The following DTD1 variants were observed in gnomAD, a reference collection of about 807,000 sequenced individuals.
The protein encoded by DTD1 is D-tyrosyl-tRNA deacylase 1 homolog.
A neutral mutation model predicts 25.6 loss-of-function variants in DTD1; 13 were observed. That is an observed-to-expected ratio of 0.51 (90% CI 0.33 to 0.81). DTD1 has a LOEUF of 0.81. Ranked by LOEUF, DTD1 falls within the 30% of genes least tolerant of loss-of-function variation. DTD1 has a pLI of 0.02. For synonymous variants in DTD1, 110 were observed against 103.6 expected (o/e 1.06, Z -0.37); for missense variants, 193 against 266.4 (o/e 0.72, Z 1.92).
chr20:18,683,380 T>G (rs2061004688), intron 4 of DTD1, among the ~76,000 whole-genome samples: 1 of 152,246 alleles, frequency 6.6e-6, no homozygotes, highest in African/African-American at 2.4e-5. Context: ...CAATATTGTC[T>G]AAGACATTAT....
intron 1 of DTD1, among the ~76,000 whole-genome samples, chr20:18,593,364 A>G (rs2060597892): frequency 6.6e-6 from 1 of 152,174 alleles, no homozygotes; most frequent in African/African-American, 2.4e-5. Context: ...GAGAATTAAT[A>G]TAGCTGAGCT....
intron 4 of DTD1, among the ~76,000 whole-genome samples, chr20:18,708,779 G>T (rs2061146501): frequency 6.6e-6 from 1 of 152,110 alleles, no homozygotes. Flanking sequence ...TGGCTTAGAG[G>T]GCAATCTTTT....
chr20:18,736,371 T>C (rs2061255134), intron 4 of DTD1, among the ~76,000 whole-genome samples: 1 of 152,174 alleles, frequency 6.6e-6, no homozygotes, highest in Non-Finnish European at 1.5e-5. Flanking sequence ...AGCTCTCCAA[T>C]TTGTTCACAA....
At chr20:18,634,212 GCTTATT>G (rs762195059) in intron 4 of DTD1, among the ~76,000 whole-genome samples, 62 of 152,200 alleles carry the variant, frequency 4.1e-4, no homozygotes, top group Non-Finnish European at 8.2e-4. Context: ...TGTGATAGAA[GCTTATT>G]CTTGTCTTGT....
intron 4 of DTD1, among the ~76,000 whole-genome samples, chr20:18,695,783 G>A (rs2061073879): frequency 1.3e-5 from 2 of 151,388 alleles, no homozygotes; most frequent in South Asian, 4.2e-4. Flanking sequence ...TGATCTTCCT[G>A]CCTCAGCCTC....
chr20:18,737,234 C>G (rs2061259260), intron 4 of DTD1, among the ~76,000 whole-genome samples: 2 of 152,150 alleles, frequency 1.3e-5, no homozygotes, highest in African/African-American at 4.8e-5. Flanking sequence ...CTCAGACACA[C>G]TGCCCTGCCA....
intron 4 of DTD1, among the ~76,000 whole-genome samples, chr20:18,696,864 T>C (rs182436581): frequency 2.8e-4 from 43 of 151,912 alleles, no homozygotes; most frequent in Non-Finnish European, 5.7e-4. Context: ...TGAACTGTAG[T>C]TTTTACTGCT....
At chr20:18,613,739 G>T (rs1358801) in intron 3 of DTD1, among the ~76,000 whole-genome samples, 77,603 of 152,058 alleles carry the variant, frequency 0.51, 20,181 homozygotes, top group Middle Eastern at 0.56. Flanking sequence ...GAATAACAGG[G>T]TTAGTTGCTA....
At chr20:18,661,588 G>C (rs1322115099) in intron 4 of DTD1, among the ~76,000 whole-genome samples, 7 of 152,084 alleles carry the variant, frequency 4.6e-5, no homozygotes, top group African/African-American at 1.7e-4. Flanking sequence ...AGCCAGGATG[G>C]TTTTGATCTC....
At chr20:18,760,338 A>G (rs544238832) in intron 5 of DTD1, among the ~76,000 whole-genome samples, 2 of 151,918 alleles carry the variant, frequency 1.3e-5, no homozygotes, top group East Asian at 1.9e-4. Flanking sequence ...AAGTTTTTCT[A>G]CTCTGTGTTT....
At chr20:18,686,015 A>C (rs2061015252) in intron 4 of DTD1, among the ~76,000 whole-genome samples, 2 of 152,128 alleles carry the variant, frequency 1.3e-5, no homozygotes, top group Non-Finnish European at 2.9e-5. Flanking sequence ...AGTCCTTCTT[A>C]CTTCCCTTCC....
intron 4 of DTD1, among the ~76,000 whole-genome samples, chr20:18,712,001 G>A (rs917893579): frequency 1.3e-5 from 2 of 152,008 alleles, no homozygotes; most frequent in African/African-American, 4.8e-5. Context: ...CCTGGGAGGT[G>A]GAAGTGGTTG....
intron 4 of DTD1, among the ~76,000 whole-genome samples, chr20:18,640,140 G>GA (rs567409090): frequency 2.0e-5 from 3 of 146,596 alleles, no homozygotes; most frequent in South Asian, 2.2e-4. Context: ...ATTACTACTT[G>GA]AAAAAAAATT....
chr20:18,598,798 C>T (rs765312382), intron 3 of DTD1, among the ~76,000 whole-genome samples: 3 of 152,022 alleles, frequency 2.0e-5, no homozygotes, highest in Middle Eastern at 3.4e-3. Flanking sequence ...TGTGAGCCAC[C>T]GCGCCCGGCC....
intron 4 of DTD1, chr20:18,674,494 A>G (rs189559177): frequency 1.3e-5 from 2 of 152,368 alleles, no homozygotes; most frequent in African/African-American, 2.4e-5. Context: ...GGCAGCATGC[A>G]TAGTTTCAAG....
chr20:18,613,705 A>G (rs892460837), intron 3 of DTD1, among the ~76,000 whole-genome samples: 33 of 152,166 alleles, frequency 2.2e-4, no homozygotes, highest in African/African-American at 7.5e-4. Context: ...GGTGTGATGC[A>G]TACTTTGAGG....
chr20:18,694,107 G>A (rs950323954), intron 4 of DTD1, among the ~76,000 whole-genome samples: 2 of 152,112 alleles, frequency 1.3e-5, no homozygotes, highest in Non-Finnish European at 2.9e-5. Flanking sequence ...ATGTTGCTGA[G>A]TATCTTCTCA....
chr20:18,638,144 C>T (rs906462695), intron 4 of DTD1, among the ~76,000 whole-genome samples: 7 of 151,448 alleles, frequency 4.6e-5, no homozygotes, highest in African/African-American at 1.7e-4. Flanking sequence ...TCCATTTATC[C>T]ATCCACCCAT....
At chr20:18,703,688 C>T (rs1329447022) in intron 4 of DTD1, among the ~76,000 whole-genome samples, 2 of 151,074 alleles carry the variant, frequency 1.3e-5, no homozygotes, top group East Asian at 3.9e-4. Context: ...TATCCATGAA[C>T]TCATTTTTTA....
Sources: allele counts gnomAD v4.1 joint callset (sites outside exome capture counted in the v4.1 genomes callset), GRCh38; gene constraint gnomAD v4.1.1; transcripts MANE v1.5; gene names NCBI Gene and HGNC (gene_info 2026-07-23, HGNC 2026-07-21).